Variants in SLC24A2 observed in about 807,000 individuals in gnomAD.
SLC24A2 encodes solute carrier family 24 member 2.
SLC24A2 carries 36 observed loss-of-function variants against 62.0 expected under a neutral mutation model. The ratio of observed to expected loss-of-function variants is 0.58; its 90% CI spans 0.44 to 0.77. The LOEUF is 0.77. SLC24A2 is among the 30% of genes least tolerant of loss of function. SLC24A2 has a pLI of 0.00. For missense variants in SLC24A2, 846 were observed against 817.9 expected (o/e 1.03, Z -0.42); for synonymous variants, 358 against 294.0 (o/e 1.22, Z -2.23).
the SLC24A2 span, among the ~76,000 whole-genome samples, chr9:19,885,532 T>A: frequency 1.3e-5 from 2 of 152,200 alleles, no homozygotes; most frequent in Non-Finnish European, 2.9e-5. Context: ...GGAAACAAGC[T>A]CAGAGTTGTG....
chr9:20,300,289 T>C, the SLC24A2 span, among the ~76,000 whole-genome samples: 4 of 152,216 alleles, frequency 2.6e-5, no homozygotes, highest in Non-Finnish European at 5.9e-5. Context: ...TTTTAGTTAT[T>C]GGACAGACTT....
At chr9:19,996,884 G>C in the SLC24A2 span, among the ~76,000 whole-genome samples, 1 of 151,984 alleles carries the variant, frequency 6.6e-6, no homozygotes, top group Non-Finnish European at 1.5e-5. Flanking sequence ...GGAGCCATTA[G>C]AAGGTATTAA....
chr9:20,015,969 C>T, the SLC24A2 span, among the ~76,000 whole-genome samples: 1 of 152,170 alleles, frequency 6.6e-6, no homozygotes, highest in Non-Finnish European at 1.5e-5. Context: ...ACAGCTTTAG[C>T]TATTTAAGCA....
intron 2 of SLC24A2, among the ~76,000 whole-genome samples, chr9:19,778,450 T>G (rs1326809493): frequency 6.6e-6 from 1 of 150,758 alleles, no homozygotes; most frequent in Non-Finnish European, 1.5e-5. Flanking sequence ...ACACTTTCAG[T>G]AAGCAAATAA....
chr9:19,966,712 G>C, the SLC24A2 span, among the ~76,000 whole-genome samples: 1 of 152,110 alleles, frequency 6.6e-6, no homozygotes, highest in East Asian at 1.9e-4. Context: ...GAAAGTGTTG[G>C]ACTATGGTTT....
the SLC24A2 span, among the ~76,000 whole-genome samples, chr9:20,146,559 G>T: frequency 6.6e-6 from 1 of 152,058 alleles, no homozygotes; most frequent in Non-Finnish European, 1.5e-5. Flanking sequence ...GAACATGCAG[G>T]CAGTAAACTC....
chr9:20,010,654 C>A, the SLC24A2 span, among the ~76,000 whole-genome samples: 1 of 151,910 alleles, frequency 6.6e-6, no homozygotes, highest in Non-Finnish European at 1.5e-5. Context: ...TACATGTGCA[C>A]AACATGCAGG....
the SLC24A2 span, among the ~76,000 whole-genome samples, chr9:20,117,779 T>C: frequency 6.6e-6 from 1 of 152,164 alleles, no homozygotes. Context: ...TAAGGGCTTA[T>C]TATGTGTCAA....
the SLC24A2 span, among the ~76,000 whole-genome samples, chr9:20,300,154 G>T: frequency 6.6e-6 from 1 of 152,178 alleles, no homozygotes; most frequent in Non-Finnish European, 1.5e-5. Flanking sequence ...AGGTATATAT[G>T]TATTTATGGG....
At chr9:19,557,064 C>A (rs1365169172) in intron 7 of SLC24A2, among the ~76,000 whole-genome samples, 2 of 152,076 alleles carry the variant, frequency 1.3e-5, no homozygotes, top group African/African-American at 4.8e-5. Context: ...GGGTAGGGAA[C>A]CTGAGATGGA....
At chr9:19,670,549 C>A (rs1408568650) in intron 2 of SLC24A2, among the ~76,000 whole-genome samples, 1 of 152,136 alleles carries the variant, frequency 6.6e-6, no homozygotes, top group Non-Finnish European at 1.5e-5. Flanking sequence ...TTATGACAAT[C>A]CTATTTCATT....
At chr9:19,524,791 C>G (rs1295362347) in intron 9 of SLC24A2, among the ~76,000 whole-genome samples, 2 of 148,356 alleles carry the variant, frequency 1.3e-5, no homozygotes, top group African/African-American at 5.3e-5. Flanking sequence ...TGTTCCTTTT[C>G]TTTGAAAGAA....
At chr9:20,107,825 A>C in the SLC24A2 span, among the ~76,000 whole-genome samples, 16,821 of 152,052 alleles carry the variant, frequency 0.11, 979 homozygotes, top group Middle Eastern at 0.17. Flanking sequence ...CAATGGCAAC[A>C]AAAGCCAAAA....
the SLC24A2 span, among the ~76,000 whole-genome samples, chr9:19,923,216 G>A: frequency 0.013 from 1,986 of 152,090 alleles, 48 homozygotes; most frequent in African/African-American, 0.046. Flanking sequence ...AGAATGTTCT[G>A]AAAGATGTCC....
chr9:19,953,294 G>T, the SLC24A2 span, among the ~76,000 whole-genome samples: 4 of 152,008 alleles, frequency 2.6e-5, no homozygotes, highest in African/African-American at 9.6e-5. Flanking sequence ...AGTGAGAATT[G>T]ATCTTAGAAG....
chr9:19,874,328 A>G, the SLC24A2 span, among the ~76,000 whole-genome samples: 2 of 152,010 alleles, frequency 1.3e-5, no homozygotes, highest in Non-Finnish European at 2.9e-5. Flanking sequence ...TGCTCTGGAA[A>G]TTTATTTCCT....
intron 2 of SLC24A2, among the ~76,000 whole-genome samples, chr9:19,659,264 A>C (rs1353941945): frequency 6.6e-6 from 1 of 152,158 alleles, no homozygotes; most frequent in Non-Finnish European, 1.5e-5. Context: ...AGAGGTGAGG[A>C]AGGATTGATT....
the SLC24A2 span, among the ~76,000 whole-genome samples, chr9:20,177,216 G>A: frequency 0.15 from 22,328 of 151,882 alleles, 2,592 homozygotes; most frequent in East Asian, 0.58. Flanking sequence ...CATATCTGTA[G>A]TATGACTTTT....
chr9:19,929,384 A>T, the SLC24A2 span: 1 of 152,178 alleles, frequency 6.6e-6, no homozygotes. Flanking sequence ...GACTACAATG[A>T]TTTTTTAAAA....
Sources: allele counts gnomAD v4.1 joint callset (sites outside exome capture counted in the v4.1 genomes callset), GRCh38; gene constraint gnomAD v4.1.1; transcripts MANE v1.5; gene names NCBI Gene and HGNC (gene_info 2026-07-23, HGNC 2026-07-21).